The following TMEM132C variants were observed in gnomAD, a reference collection of about 807,000 sequenced individuals.
TMEM132C encodes transmembrane protein 132C, also known as protein phosphatase 1, regulatory subunit 152.
A neutral mutation model predicts 61.4 loss-of-function variants in TMEM132C; 29 were observed. The observed-to-expected ratio is 0.47, with a 90% CI of 0.35 to 0.64. The LOEUF (loss-of-function observed/expected upper bound fraction) is 0.64. Among genes scored for constraint, TMEM132C ranks in the 30% least tolerant of loss-of-function variants. The probability of loss-of-function intolerance (pLI) is 0.00; values close to 1 mark genes in which losing one functional copy is unlikely to be tolerated. For synonymous variants in TMEM132C, 656 were observed against 633.1 expected, an observed-to-expected ratio of 1.04 and a Z score of -0.54; for missense variants, 1,408 against 1,476.9, an observed-to-expected ratio of 0.95 and a Z score of 0.76.
chr12:128,588,483 A>T (rs1195123194), intron 3 of TMEM132C, among the ~76,000 whole-genome samples: 3 of 152,148 alleles, frequency 2.0e-5, no homozygotes. Context: ...GTGTGTGTTC[A>T]TTCATTCATC....
intron 1 of TMEM132C, among the ~76,000 whole-genome samples, chr12:128,391,222 TC>T (rs1874754387): frequency 6.6e-6 from 1 of 152,212 alleles, no homozygotes; most frequent in Non-Finnish European, 1.5e-5. Flanking sequence ...AAATCCTAAC[TC>T]CACTCTGGCG....
intron 3 of TMEM132C, among the ~76,000 whole-genome samples, chr12:128,547,011 CTTCCAAGA>C (rs1873974780): frequency 6.6e-6 from 1 of 152,302 alleles, no homozygotes; most frequent in African/African-American, 2.4e-5. Flanking sequence ...GCGAGTGCAC[CTTCCAAGA>C]TTCCCAGGGC....
intron 1 of TMEM132C, among the ~76,000 whole-genome samples, chr12:128,397,999 T>G (rs1271733400): frequency 1.3e-5 from 2 of 151,968 alleles, no homozygotes; most frequent in East Asian, 3.9e-4. Flanking sequence ...CCTATCCCTC[T>G]GTTGATTTTT....
chr12:128,471,514 A>C (rs1353426056), intron 2 of TMEM132C, among the ~76,000 whole-genome samples: 1 of 152,194 alleles, frequency 6.6e-6, no homozygotes, highest in East Asian at 1.9e-4. Context: ...CTCTGAAAAA[A>C]GACAGGAATA....
At position 128,705,149 on chromosome 12, in the gene TMEM132C, C is replaced by G; in HGVS notation, c.2181C>G (p.Ile727Met). Residue 727 changes from isoleucine (I) to methionine (M), a missense_variant, in exon 9 of 9, where the codon ATC becomes ATG. Physicochemically the swap from Ile to Met is conservative, Grantham distance 10 (BLOSUM62 1). Transcript: ENST00000435159. The stretch of plus-strand genomic sequence containing the variant: ...ATGGCTCTGTGACGCCCCTGGACAT[C>G]TACGACACCAAGGACTTCTCCCTGG... Reference protein sequence around the residue: ...FSDGSVTPLDIYDTKDFSLAA... With the variant: ...FSDGSVTPLDMYDTKDFSLAA... The G allele has an allele frequency of 1.9e-6, 3 of 1,551,488 alleles. No individual in the cohort carries two copies. Among genetic ancestry groups the G allele is most frequent in the African/African-American group, 1.4e-5 (1 of 73,172 alleles).
At chr12:128,398,096 A>T (rs1875025788) in intron 1 of TMEM132C, among the ~76,000 whole-genome samples, 1 of 152,238 alleles carries the variant, frequency 6.6e-6, no homozygotes, top group Admixed American at 6.5e-5. Flanking sequence ...GGCCTCATCC[A>T]TCAGAGCGGA....
chr12:128,524,801 C>T (rs1003650557), intron 2 of TMEM132C, among the ~76,000 whole-genome samples: 2 of 152,288 alleles, frequency 1.3e-5, no homozygotes, highest in African/African-American at 2.4e-5. Flanking sequence ...AAGATGTGGA[C>T]GGACTTAGGG....
Position 128,705,208 on chromosome 12 carries a change from T to TC in TMEM132C, c.2245dup (p.Gln749ProfsTer35). 6.4e-7 allele frequency: 1 copy of TC among 1,551,624 alleles called. No individual in the cohort carries two copies. Among genetic ancestry groups the TC allele is most frequent in the South Asian group, 1.2e-5 (1 of 84,048 alleles). On this transcript the variant is annotated frameshift_variant, in exon 9 of 9. Coordinates refer to ENST00000435159, the MANE Select transcript of TMEM132C (RefSeq NM_001136103.3). LOFTEE classifies it low-confidence loss of function (END_TRUNC). ...TCCCAGGACGAGGCTGTCGTGTCAG[T>TC]CCCCCAGCCCCGCTCTCCCAGGTGG...
chr12:128,397,383 C>T (rs2136005961), intron 1 of TMEM132C, among the ~76,000 whole-genome samples: 1 of 152,230 alleles, frequency 6.6e-6, no homozygotes, highest in East Asian at 1.9e-4. Flanking sequence ...TGTGAGTTTG[C>T]AAAGGAAGGT....
At chr12:128,360,738 G>A (rs1188856236) in intron 1 of TMEM132C, among the ~76,000 whole-genome samples, 1 of 152,160 alleles carries the variant, frequency 6.6e-6, no homozygotes, top group Non-Finnish European at 1.5e-5. Context: ...TGGAATGAAT[G>A]AATTTTCCAT....
In TMEM132C at chr12:128,577,719, T is replaced by C. The variant is rs112917112; in HGVS notation, c.1121+33616T>C. ...ATCTTTTAAAAGTTTTATGGTCTCA[T>C]CTTGGGGTCACAAAGAGAGCAGTGG... On this transcript the variant is annotated intron_variant, in intron 3 of 8. Coordinates refer to ENST00000435159, the MANE Select transcript of TMEM132C (RefSeq NM_001136103.3). 1.2e-3 allele frequency among the ~76,000 whole-genome samples: 187 copies of C among 152,348 alleles called. 2 individuals carry two copies. Among genetic ancestry groups the C allele is most frequent in the African/African-American group, 4.2e-3 (174 of 41,580 alleles).
intron 4 of TMEM132C, among the ~76,000 whole-genome samples, chr12:128,621,133 A>C (rs1372552469): frequency 6.6e-6 from 1 of 152,052 alleles, no homozygotes; most frequent in Non-Finnish European, 1.5e-5. Flanking sequence ...GCCCATGTGA[A>C]CTACAGCCCC....
intron 4 of TMEM132C, among the ~76,000 whole-genome samples, chr12:128,644,909 G>A (rs1214653991): frequency 6.6e-6 from 1 of 152,220 alleles, no homozygotes; most frequent in Non-Finnish European, 1.5e-5. Context: ...TCTGCCACAA[G>A]AGGGCGGTGC....
intron 1 of TMEM132C, among the ~76,000 whole-genome samples, chr12:128,375,933 C>G (rs536638609): frequency 6.6e-6 from 1 of 152,294 alleles, no homozygotes; most frequent in East Asian, 1.9e-4. Context: ...TAGAAGGTGA[C>G]TTTGCATACC....
At chr12:128,541,526 T>C (rs4882785) in intron 2 of TMEM132C, among the ~76,000 whole-genome samples, 99,923 of 152,140 alleles carry the variant, frequency 0.66, 33,423 homozygotes, top group African/African-American at 0.77. Context: ...ACCTCCTTAG[T>C]GCACAAGAAG....
At chr12:128,583,092 A>G (rs1372279588) in intron 3 of TMEM132C, among the ~76,000 whole-genome samples, 4 of 152,258 alleles carry the variant, frequency 2.6e-5, no homozygotes, top group African/African-American at 7.2e-5. Flanking sequence ...TTTATAAGAG[A>G]AAAACACTGA....
At chr12:128,659,223 A>C (rs1954359429) in intron 4 of TMEM132C, among the ~76,000 whole-genome samples, 1 of 152,190 alleles carries the variant, frequency 6.6e-6, no homozygotes, top group African/African-American at 2.4e-5. Flanking sequence ...TTCTTGGCTA[A>C]CAAATTTACA....
At chr12:128,585,786 T>C (rs1875522344) in intron 3 of TMEM132C, among the ~76,000 whole-genome samples, 1 of 152,222 alleles carries the variant, frequency 6.6e-6, no homozygotes. Flanking sequence ...AATCGGCCCG[T>C]CGCTGAAGGA....
chr12:128,614,319 C>T (rs752241105), intron 3 of TMEM132C, among the ~76,000 whole-genome samples: 2 of 152,186 alleles, frequency 1.3e-5, no homozygotes, highest in Admixed American at 6.5e-5. Context: ...TCTTATAACA[C>T]GAAAGCAACC....
Sources: allele counts gnomAD v4.1 joint callset (sites outside exome capture counted in the v4.1 genomes callset), GRCh38; gene constraint gnomAD v4.1.1; transcripts MANE v1.5; gene names NCBI Gene and HGNC (gene_info 2026-07-23, HGNC 2026-07-21).